The following RSPH10B variants were observed in gnomAD, a reference collection of about 807,000 sequenced individuals.
The protein encoded by RSPH10B is radial spoke head 10 homolog B, also known as radial spoke head 10 homolog B (Chlamydomonas).
RSPH10B carries 7 observed loss-of-function variants against 52.5 expected under a neutral mutation model. The ratio of observed to expected loss-of-function variants is 0.13; its 90% CI spans 0.08 to 0.25. The LOEUF (loss-of-function observed/expected upper bound fraction) is 0.25. Ranked by LOEUF, RSPH10B falls within the 10% of genes least tolerant of loss-of-function variation. The pLI is 1.00. For synonymous variants in RSPH10B, 28 were observed against 193.2 expected, an observed-to-expected ratio of 0.14 and a Z score of 7.09; for missense variants, 89 against 542.5, an observed-to-expected ratio of 0.16 and a Z score of 8.30.
intron 17 of RSPH10B, 129 bp from the exon 20 acceptor site, chr7:5,928,523 G>T (rs1449267439): frequency 2.1e-6 from 3 of 1,416,826 alleles, no homozygotes; most frequent in Non-Finnish European, 3.0e-6. Flanking sequence ...GGGGAGAGGA[G>T]TAAGGACGCT....
At chr7:5,927,022 CGTGTGTGTGT>C (rs373901374) in intron 18 of RSPH10B, among the ~76,000 whole-genome samples, 2 of 95,924 alleles carry the variant, frequency 2.1e-5, no homozygotes, top group African/African-American at 4.8e-5. Flanking sequence ...CCCAAAGTTA[CGTGTGTGTGT>C]GTGTGTGTGT....
intron 18 of RSPH10B, among the ~76,000 whole-genome samples, chr7:5,927,072 G>GTGTGTGTATA (rs1779513734): frequency 1.5e-5 from 1 of 68,912 alleles, no homozygotes; most frequent in African/African-American, 7.0e-5. Context: ...GTGTGTATAT[G>GTGTGTGTATA]TGTGTGTGTG....
intron 13 of RSPH10B, among the ~76,000 whole-genome samples, chr7:5,941,572 G>A (rs1241905461): frequency 6.7e-6 from 1 of 149,538 alleles, no homozygotes; most frequent in Non-Finnish European, 1.5e-5. Context: ...GTGAAACCCT[G>A]TCTCTACTAA....
In RSPH10B at chr7:5,954,968, G is replaced by A. The variant is rs1393622173; in HGVS notation, c.957+1037C>T. On this transcript the variant is annotated intron_variant, in intron 7 of 18. Transcript: ENST00000337579. ...ACCAGGAGGCCAGCTTGGCAAACAC[G>A]GCAAAACCCCTGTAACTACTAAAAA... Among the ~76,000 whole-genome samples the A allele has an allele frequency of 7.4e-3, 507 of 68,466 alleles. 1 individual carries two copies. The highest frequency in any genetic ancestry group is 0.01 in the Non-Finnish European group (382 of 37,356). 44.9% of individuals were successfully genotyped at this position (68,466 alleles called of 152,430 possible).
intron 18 of RSPH10B, among the ~76,000 whole-genome samples, chr7:5,927,078 G>GTATATA (rs1424714633): frequency 9.3e-4 from 120 of 129,550 alleles, no homozygotes; most frequent in Admixed American, 1.5e-3. Context: ...ATATGTGTGT[G>GTATATA]TGTGTGTGTG....
chr7:5,938,799 CTGT>C (rs1246154475), exon 14 of RSPH10B: 18 of 259,436 alleles, frequency 6.9e-5, no homozygotes, highest in South Asian at 2.1e-4. Flanking sequence ...AATGTAGCTG[CTGT>C]TAATTCTTTA....
intron 18 of RSPH10B, among the ~76,000 whole-genome samples, chr7:5,927,074 G>GTGAATATATATA: frequency 1.3e-5 from 1 of 74,206 alleles, no homozygotes; most frequent in Admixed American, 1.5e-4. Context: ...GTGTATATGT[G>GTGAATATATATA]TGTGTGTGTG....
At chr7:5,927,022 CGTGTGTGTGTGTGTGTGTGTGTGTATTAT>C (rs1263174471) in intron 18 of RSPH10B, among the ~76,000 whole-genome samples, 13,503 of 93,272 alleles carry the variant, frequency 0.14, 324 homozygotes, top group Admixed American at 0.28. Context: ...CCCAAAGTTA[CGTGTGTGTGTGTGTGTGTGTGTGTATTAT>C]GTGTGTGTGT....
chr7:5,950,357 G>T (rs1450270227), intron 9 of RSPH10B, among the ~76,000 whole-genome samples: 1 of 151,724 alleles, frequency 6.6e-6, no homozygotes, highest in African/African-American at 2.4e-5. Context: ...GATCACCTGA[G>T]GTCAGGAGTT....
intron 17 of RSPH10B, among the ~76,000 whole-genome samples, chr7:5,931,295 G>T (rs1299670880): frequency 6.6e-6 from 1 of 150,772 alleles, no homozygotes; most frequent in Non-Finnish European, 1.5e-5. Flanking sequence ...ATGATCCACT[G>T]GAGGAGGAGT....
chr7:5,943,234 T>G, intron 13 of RSPH10B, 90 bp downstream of exon 15: 1 of 1,564,020 alleles, frequency 6.4e-7, no homozygotes, highest in Non-Finnish European at 8.7e-7. Context: ...ACCTGATTAT[T>G]TGCATATCAC....
chr7:5,940,945 T>A (rs200031388), intron 13 of RSPH10B, among the ~76,000 whole-genome samples: 2,202 of 59,778 alleles, frequency 0.037, 192 homozygotes, highest in East Asian at 0.096. Flanking sequence ...TAATAATAAT[T>A]ATTATTATTA....
At chr7:5,927,070 ATGTGTGTGTG>A (rs748036363) in intron 18 of RSPH10B, among the ~76,000 whole-genome samples, 45 of 110,678 alleles carry the variant, frequency 4.1e-4, no homozygotes, top group African/African-American at 5.5e-4. Context: ...GTGTGTGTAT[ATGTGTGTGTG>A]TGTGTGTGTG....
intron 10 of RSPH10B, among the ~76,000 whole-genome samples, chr7:5,947,860 TTGTGTGTGTGTGTG>T (rs201265529): frequency 0.17 from 15,196 of 90,360 alleles, 2,218 homozygotes; most frequent in Admixed American, 0.33. Context: ...CCCCTGCCTT[TTGTGTGTGTGTGTG>T]TGTGTGTGTG....
At chr7:5,927,070 A>ATGTATATGTGTGTGTGTG (rs1779510896) in intron 18 of RSPH10B, among the ~76,000 whole-genome samples, 1 of 110,692 alleles carries the variant, frequency 9.0e-6, no homozygotes, top group Admixed American at 9.9e-5. Flanking sequence ...GTGTGTGTAT[A>ATGTATATGTGTGTGTGTG]TGTGTGTGTG....
intron 14 of RSPH10B, 94 bp from the exon 17 acceptor site, chr7:5,937,995 G>C: frequency 1.5e-6 from 1 of 646,246 alleles, no homozygotes; most frequent in Non-Finnish European, 2.8e-6. Flanking sequence ...CCTGACATCT[G>C]AATATGCACG....
At position 5,938,435 on chromosome 7, in the gene RSPH10B, G is replaced by A. The variant is rs1168766050; in HGVS notation, c.1866+287C>T. 2.2e-3 allele frequency among the ~76,000 whole-genome samples: 252 copies of A among 113,880 alleles called. 8 individuals carry two copies. The highest frequency in any genetic ancestry group is 7.2e-3 in the African/African-American group (234 of 32,710). 74.7% of individuals were successfully genotyped at this position (113,880 alleles called of 152,430 possible). A position where few individuals can be genotyped will look rare whatever the true frequency, so the allele number is the denominator to read the frequency against. On this transcript the variant is annotated intron_variant, in intron 14 of 18. Coordinates refer to ENST00000337579, the Ensembl canonical transcript of RSPH10B. ...AATACAAAAAAAAAAAAAATTAGCC[G>A]GGCGTGGTGGCGGGCGCCTGTAGTC...
At chr7:5,943,509 A>G (rs1780319506) in intron 12 of RSPH10B, 37 bp from the exon 15 acceptor site, 3 of 1,609,954 alleles carry the variant, frequency 1.9e-6, no homozygotes, top group Non-Finnish European at 2.5e-6. Context: ...TTACAGATTT[A>G]TGTTTTGAGA....
At chr7:5,931,438 G>A (rs1203462014) in intron 17 of RSPH10B, among the ~76,000 whole-genome samples, 2 of 151,506 alleles carry the variant, frequency 1.3e-5, no homozygotes, top group Non-Finnish European at 2.9e-5. Flanking sequence ...GTCAGAAAAG[G>A]GGGAGGGCCA....
Sources: gnomAD v4.1 joint callset for allele counts (sites outside exome capture counted in the v4.1 genomes callset) on GRCh38, gnomAD v4.1.1 for gene constraint, MANE v1.5 for transcripts, NCBI Gene and HGNC (gene_info 2026-07-23, HGNC 2026-07-21) for gene names.